ZNF518A: variants seen among roughly 807,000 people sequenced by gnomAD.
ZNF518A encodes zinc finger protein 518.
In ZNF518A, 47 loss-of-function variants were observed where a neutral mutation model predicts 102.7. The ratio of observed to expected loss-of-function variants is 0.46; its 90% CI spans 0.36 to 0.58. The LOEUF (loss-of-function observed/expected upper bound fraction) is 0.58. ZNF518A is among the 20% of genes least tolerant of loss of function. ZNF518A has a pLI of 0.00. For synonymous variants in ZNF518A, 652 were observed against 594.6 expected, an observed-to-expected ratio of 1.10 and a Z score of -1.40; for missense variants, 1,793 against 1,699.8, an observed-to-expected ratio of 1.05 and a Z score of -0.96.
Position 96,160,187 on chromosome 10 carries a change from C to A in ZNF518A, c.3865C>A (p.Pro1289Thr). 8.7e-6 allele frequency: 14 copies of A among 1,609,008 alleles called. No individual in the cohort carries two copies. The highest frequency in any genetic ancestry group is 1.1e-5 in the Non-Finnish European group (13 of 1,177,936). Residue 1289 changes from proline (P) to threonine (T), a missense_variant, in exon 6 of 6, where the codon CCA becomes ACA. Around this residue, in one of 3 missense-constraint regions of ZNF518A, gnomAD observed 1,741 missense variants for 1,622.6 expected, o/e 1.07. Transcript: ENST00000316045. ...GTGTAGGGATAGTTACCAAGAACCT[C>A]CAAGAAGAAAAGCAACATTGCATAG... Reference protein sequence around the residue: ...RKCRDSYQEPPRRKATLHRKC... With the variant: ...RKCRDSYQEPTRRKATLHRKC...
downstream of ZNF518A, among the ~76,000 whole-genome samples, chr10:96,164,315 G>A (rs587651639): frequency 5.3e-5 from 8 of 152,282 alleles, no homozygotes; most frequent in South Asian, 1.2e-3. Flanking sequence ...CATTTGGGGC[G>A]TTGGCTCTGT....
At chr10:96,181,054 G>A (rs1307557435) in intron 1 of ZNF518A, among the ~76,000 whole-genome samples, 1 of 152,206 alleles carries the variant, frequency 6.6e-6, no homozygotes, top group Non-Finnish European at 1.5e-5. Flanking sequence ...GTGTAAGATG[G>A]TATCTCATTG....
In ZNF518A at chr10:96,185,722, C is replaced by T. The variant is rs139432278; in HGVS notation, n.36-17852C>T. Among the ~76,000 whole-genome samples, 147 of 152,274 alleles carry T rather than the reference C, an allele frequency of 9.7e-4. 2 individuals carry two copies. In the East Asian group the frequency reaches 0.012, roughly 12 times the overall value. ...GCACCCGGCTGTATGAGGTGTCAGT[C>T]GGCCCCTACTGGGAGGTGTCTCCCA... On this transcript the variant is annotated intron_variant and non_coding_transcript_variant, in intron 1 of 2. Coordinates refer to the ZNF518A transcript ENST00000442635.
At position 96,160,558 on chromosome 10, in the gene ZNF518A, TGTTA is replaced by T; in HGVS notation, c.4240_4243del (p.Ser1414LeufsTer2). ...CCAAGAGGCACAAAACATTTAAACC[TGTTA>T]GTTCTGTGAAAGAAAGATTTGTGCT... On this transcript the variant is annotated frameshift_variant, in exon 6 of 6. Transcript: ENST00000316045. LOFTEE classifies it high-confidence loss of function. 1 of 1,612,230 alleles carries T rather than the reference TGTTA, an allele frequency of 6.2e-7. No homozygotes were observed. The highest frequency in any genetic ancestry group is 8.5e-7 in the Non-Finnish European group (1 of 1,179,218).
At chr10:96,174,989 A>G (rs1463547604) in intron 1 of ZNF518A, among the ~76,000 whole-genome samples, 2 of 152,084 alleles carry the variant, frequency 1.3e-5, no homozygotes, top group East Asian at 3.9e-4. Context: ...TGCCATGAGG[A>G]TACAACAGGA....
chr10:96,131,395 T>C (rs2142194421), intron 1 of ZNF518A, among the ~76,000 whole-genome samples: 1 of 152,360 alleles, frequency 6.6e-6, no homozygotes, highest in South Asian at 2.1e-4. Flanking sequence ...TGCAAATTTA[T>C]AGAAATGCAT....
intron 3 of ZNF518A, among the ~76,000 whole-genome samples, chr10:96,141,738 TTTC>T (rs1554876577): frequency 1.4e-5 from 2 of 139,222 alleles, no homozygotes; most frequent in Non-Finnish European, 3.0e-5. Flanking sequence ...CATTTCTTTT[TTTC>T]TTCTTCATTT....
At chr10:96,196,905 G>C in intron 1 of ZNF518A, 1 of 1,612,750 alleles carries the variant, frequency 6.2e-7, no homozygotes, top group East Asian at 2.2e-5. Context: ...AGAAATCACT[G>C]ACCTCTTCAC....
chr10:96,177,367 G>C (rs587626033), intron 1 of ZNF518A, among the ~76,000 whole-genome samples: 2 of 152,112 alleles, frequency 1.3e-5, no homozygotes, highest in African/African-American at 4.8e-5. Context: ...GCACAACTGC[G>C]CTACCTTAAA....
chr10:96,159,063 C>A lies in ZNF518A; in HGVS notation c.2741C>A (p.Ser914Tyr), dbSNP rs368233727. The A allele has an allele frequency of 6.2e-7, 1 of 1,613,396 alleles. No individual in the cohort carries two copies. Among genetic ancestry groups the A allele is most frequent in the East Asian group, 2.2e-5 (1 of 44,874 alleles). The change falls in exon 6 of 6, where the codon TCT (serine) becomes TAT (tyrosine). Residue 914 changes from serine to tyrosine, a missense_variant. Transcript: ENST00000316045. Reference sequence around the variant, plus strand: ...CGAGCCACCACACAAAATTTAGGTTCTTTTTATATGCAGAGTCCACTTTTA... The same window carrying A: ...CGAGCCACCACACAAAATTTAGGTTATTTTTATATGCAGAGTCCACTTTTA... ...KLRATTQNLG[S>Y]FYMQSPLLNS...
In ZNF518A at chr10:96,159,630, A is replaced by G. The variant is rs781981301; in HGVS notation, c.3308A>G (p.Gln1103Arg). The G allele has an allele frequency of 1.9e-6, 3 of 1,613,698 alleles. No individual in the cohort carries two copies. Among genetic ancestry groups the G allele is most frequent in the Non-Finnish European group, 2.5e-6 (3 of 1,179,800 alleles). The change falls in exon 6 of 6, where the codon CAA becomes CGA. Residue 1103 changes from glutamine (Q) to arginine (R), a missense_variant. Transcript: ENST00000316045. The stretch of plus-strand genomic sequence containing the variant: ...TATACCTTCTTGCCTGATGGCAAAC[A>G]AGCTGTTTTTTTAAAGTGTGTGATG... The part of the protein sequence containing the change: ...PLYTFLPDGK[Q>R]AVFLKCVMPN...
upstream of ZNF518A, chr10:96,129,958 C>A (rs958443077): frequency 1.3e-5 from 2 of 152,662 alleles, no homozygotes; most frequent in Non-Finnish European, 2.9e-5. Flanking sequence ...CGAGCGCGGA[C>A]CCTGCCGGCC....
At chr10:96,188,255 A>C (rs1364006374) in intron 1 of ZNF518A, among the ~76,000 whole-genome samples, 1 of 152,260 alleles carries the variant, frequency 6.6e-6, no homozygotes, top group African/African-American at 2.4e-5. Context: ...ATGAGGGAAA[A>C]GACTGGCATG....
intron 3 of ZNF518A, among the ~76,000 whole-genome samples, chr10:96,142,509 T>C (rs1286070868): frequency 6.6e-6 from 1 of 152,154 alleles, no homozygotes; most frequent in Non-Finnish European, 1.5e-5. Flanking sequence ...ATGCAGTAGT[T>C]TTTTATGTGA....
rs745513323 is a variant in ZNF518A at position 96,163,569 on chromosome 10, A to G, written c.*2795A>G. 29 of 167,060 alleles carry G rather than the reference A, an allele frequency of 1.7e-4. No homozygotes were observed. Among genetic ancestry groups the G allele is most frequent in the Non-Finnish European group, 4.0e-4 (27 of 68,100 alleles). The allele number at this position is 167,060 out of a possible 1,614,324, so 10.3% of individuals were successfully genotyped here. A position where few individuals can be genotyped will look rare whatever the true frequency, so the allele number is the denominator to read the frequency against. Reference sequence around the variant, plus strand: ...ATTCAGTAACACAAATTGAAATGTAATAGTTTTTTTAATGGAAAATATTTT... The same window carrying G: ...ATTCAGTAACACAAATTGAAATGTAGTAGTTTTTTTAATGGAAAATATTTT... On this transcript the variant is annotated 3_prime_UTR_variant, in exon 6 of 6. Transcript: ENST00000316045.
At chr10:96,190,550 T>C (rs1470727593) in intron 1 of ZNF518A, among the ~76,000 whole-genome samples, 1 of 152,228 alleles carries the variant, frequency 6.6e-6, no homozygotes, top group Non-Finnish European at 1.5e-5. Context: ...ATCTGTAACA[T>C]AGGTGGCAAT....
Position 96,130,415 on chromosome 10 carries a change from A to C in ZNF518A, c.-790A>C, listed in dbSNP as rs1337923337. 6.6e-6 allele frequency among the ~76,000 whole-genome samples: 1 copy of C among 151,748 alleles called. No homozygotes were observed. The highest frequency in any genetic ancestry group is 2.4e-5 in the African/African-American group (1 of 41,272). ...GTTGTTTTACTTCCGGGCTTTTTGAACTCTACACTCTCCTACATTCTAGGA... is the reference window on the plus strand; with the variant it reads ...GTTGTTTTACTTCCGGGCTTTTTGACCTCTACACTCTCCTACATTCTAGGA... On this transcript the variant is annotated 5_prime_UTR_variant, in exon 1 of 6. Coordinates refer to ENST00000316045, the MANE Select transcript of ZNF518A (RefSeq NM_001330736.2).
chr10:96,146,687 A>G (rs117083034), intron 3 of ZNF518A, among the ~76,000 whole-genome samples: 1,782 of 152,340 alleles, frequency 0.012, 17 homozygotes, highest in Non-Finnish European at 0.02. Context: ...CATACCAACT[A>G]TTTAAGAAAC....
chr10:96,172,490 AATAAGT>A (rs1428721268), intron 1 of ZNF518A, among the ~76,000 whole-genome samples: 35 of 152,228 alleles, frequency 2.3e-4, no homozygotes, highest in African/African-American at 7.7e-4. Flanking sequence ...CAAAATTATT[AATAAGT>A]ATAACAGTTT....
Sources: gnomAD v4.1 joint callset for allele counts (sites outside exome capture counted in the v4.1 genomes callset) on GRCh38, gnomAD v4.1.1 for gene constraint, gnomAD v4.1.1 regional missense constraint, MANE v1.5 for transcripts, NCBI Gene and HGNC (gene_info 2026-07-23, HGNC 2026-07-21) for gene names.